Variants in PDYN observed in about 807,000 individuals in gnomAD.
PDYN encodes the protein prodynorphin.
In PDYN, 5 loss-of-function variants were observed where a neutral mutation model predicts 11.4. That is an observed-to-expected ratio of 0.44 (90% CI 0.23 to 0.92). PDYN has a LOEUF of 0.92. Among genes scored for constraint, PDYN ranks in the 40% least tolerant of loss-of-function variants. The pLI is 0.24. For missense variants in PDYN, 337 were observed against 317.3 expected, an observed-to-expected ratio of 1.06 and a Z score of -0.47; for synonymous variants, 132 against 129.5, an observed-to-expected ratio of 1.02 and a Z score of -0.13.
At chr20:1,987,168 T>TAATGC (rs1162086167) in intron 2 of PDYN, among the ~76,000 whole-genome samples, 1 of 152,128 alleles carries the variant, frequency 6.6e-6, no homozygotes, top group Non-Finnish European at 1.5e-5. Flanking sequence ...AGAGGATGGA[T>TAATGC]AATGCCGGCT....
Position 1,994,012 on chromosome 20 carries a change from A to C in PDYN, c.-181T>G, listed in dbSNP as rs985372274. 1.3e-5 allele frequency: 2 copies of C among 153,354 alleles called. No homozygotes were observed. The highest frequency in any genetic ancestry group is 2.4e-5 in the African/African-American group (1 of 41,408). 9.5% of individuals were successfully genotyped at this position (153,354 alleles called of 1,614,324 possible). A position where few individuals can be genotyped will look rare whatever the true frequency, so the allele number is the denominator to read the frequency against. On this transcript the variant is annotated 5_prime_UTR_variant, in exon 1 of 4. Transcript: ENST00000217305. Reference sequence around the variant, plus strand: ...GCCTCCTTGACTCCGGCTTGGGAGGAGGTGCCAAAGAGGCAGCTGTGAACA... The same window carrying C: ...GCCTCCTTGACTCCGGCTTGGGAGGCGGTGCCAAAGAGGCAGCTGTGAACA...
chr20:1,980,837 CTCCCCAA>C lies in PDYN; in HGVS notation c.244_250del (p.Leu82AlafsTer20). 3.1e-6 allele frequency: 5 copies of C among 1,614,238 alleles called. No individual in the cohort carries two copies. The highest frequency in any genetic ancestry group is 4.2e-6 in the Non-Finnish European group (5 of 1,180,036). On this transcript the variant is annotated frameshift_variant, in exon 4 of 4. Transcript: ENST00000217305. LOFTEE classifies it low-confidence loss of function (END_TRUNC). The stretch of plus-strand genomic sequence containing the variant: ...GTAGGGCCCTTCCCCAACCGACTTG[CTCCCCAA>C]GTCCTCCTTGTCATTGAGCCCAAGG...
At chr20:1,991,980 A>T (rs2122399725) in intron 2 of PDYN, among the ~76,000 whole-genome samples, 1 of 152,272 alleles carries the variant, frequency 6.6e-6, no homozygotes, top group East Asian at 1.9e-4. Context: ...ATGGAGTGGG[A>T]TGATCAGCGA....
intron 2 of PDYN, among the ~76,000 whole-genome samples, chr20:1,990,677 A>G (rs1988394418): frequency 6.6e-6 from 1 of 152,212 alleles, no homozygotes; most frequent in African/African-American, 2.4e-5. Flanking sequence ...CATATTTAAA[A>G]GAACGTTTTT....
Position 1,980,176 on chromosome 20 carries a change from G to A in PDYN, c.*147C>T, listed in dbSNP as rs2122301307. ...CAGAGAAATAACATACTCCCACGCA[G>A]AAGAGAGATAGGCTGGGCTTGGATA... On this transcript the variant is annotated 3_prime_UTR_variant, in exon 4 of 4. Coordinates refer to ENST00000217305, the MANE Select transcript of PDYN (RefSeq NM_024411.5). 2 of 848,996 alleles carry A rather than the reference G, an allele frequency of 2.4e-6. No homozygotes were observed. The highest frequency in any genetic ancestry group is 1.5e-5 in the South Asian group (1 of 68,922). The allele number at this position is 848,996 out of a possible 1,614,324, so 52.6% of individuals were successfully genotyped here.
rs934199547 is a variant in PDYN, at chr20:1,980,051, C to T, written c.*272G>A. On this transcript the variant is annotated 3_prime_UTR_variant, in exon 4 of 4. Transcript: ENST00000217305. The stretch of plus-strand genomic sequence containing the variant: ...GACAGATCACAAACTGCTGCTGCTG[C>T]TGCTGCTGCCGCTGCTGATAGTTTT... The T allele has an allele frequency of 1.9e-6, 1 of 513,158 alleles. No homozygotes were observed. Among genetic ancestry groups the T allele is most frequent in the South Asian group, 2.0e-5 (1 of 50,426 alleles). The allele number at this position is 513,158 out of a possible 1,614,324, so 31.8% of individuals were successfully genotyped here. A position where few individuals can be genotyped will look rare whatever the true frequency, so the allele number is the denominator to read the frequency against.
chr20:1,980,941 G>A lies in PDYN; in HGVS notation c.147C>T (p.Cys49=), dbSNP rs780440529. The change falls in exon 4 of 4, where the codon TGC becomes TGT. Residue 49 remains cysteine (C), a synonymous_variant. Transcript: ENST00000217305. ...PINPLICSLQ[C]QAALLPSEEW... ...CCTCAGAGGGCAGCAGGGCAGCCTG[G>A]CATTGCAGGGAGCAAATCTGCAAAA... 1.2e-6 allele frequency: 2 copies of A among 1,614,056 alleles called. No individual in the cohort carries two copies. The highest frequency in any genetic ancestry group is 8.5e-7 in the Non-Finnish European group (1 of 1,180,040).
Position 1,980,181 on chromosome 20 carries a change from G to A in PDYN, c.*142C>T, listed in dbSNP as rs1000727222. Reference sequence around the variant, plus strand: ...AAATAACATACTCCCACGCAGAAGAGAGATAGGCTGGGCTTGGATATTTTG... The same window carrying A: ...AAATAACATACTCCCACGCAGAAGAAAGATAGGCTGGGCTTGGATATTTTG... On this transcript the variant is annotated 3_prime_UTR_variant, in exon 4 of 4. Transcript: ENST00000217305. 3.4e-6 allele frequency: 3 copies of A among 870,306 alleles called. No individual in the cohort carries two copies. The highest frequency in any genetic ancestry group is 3.3e-5 in the African/African-American group (2 of 60,548). The allele number at this position is 870,306 out of a possible 1,614,324, so 53.9% of individuals were successfully genotyped here. A position where few individuals can be genotyped will look rare whatever the true frequency, so the allele number is the denominator to read the frequency against.
intron 2 of PDYN, among the ~76,000 whole-genome samples, chr20:1,986,194 T>C (rs562302408): frequency 6.6e-6 from 1 of 152,274 alleles, no homozygotes; most frequent in African/African-American, 2.4e-5. Context: ...ACTTTACAGA[T>C]GAGGAAACTG....
Position 1,982,077 on chromosome 20 carries a change from T to C in PDYN, c.129+879A>G, listed in dbSNP as rs1034305739. On this transcript the variant is annotated intron_variant, in intron 3 of 3. Transcript: ENST00000217305. Reference sequence around the variant, plus strand: ...TCTAACACCAGCCTGGCCAGCATGGTGAAACCCCGTCTCTACTAAAAATAC... The same window carrying C: ...TCTAACACCAGCCTGGCCAGCATGGCGAAACCCCGTCTCTACTAAAAATAC... Among the ~76,000 whole-genome samples the C allele has an allele frequency of 2.0e-4, 30 of 149,892 alleles. No homozygotes were observed. The East Asian group carries it at 3.4e-3, about 17-fold the overall frequency.
chr20:1,991,479 C>T (rs1004832317), intron 2 of PDYN, among the ~76,000 whole-genome samples: 26 of 152,110 alleles, frequency 1.7e-4, no homozygotes, highest in African/African-American at 5.1e-4. Flanking sequence ...GATGAGGCTG[C>T]GCTTCACAGC....
At chr20:1,988,883 C>G (rs1988310757) in intron 2 of PDYN, among the ~76,000 whole-genome samples, 1 of 152,182 alleles carries the variant, frequency 6.6e-6, no homozygotes, top group Non-Finnish European at 1.5e-5. Flanking sequence ...GATAGGCACA[C>G]CTTGTTGGCT....
intron 3 of PDYN, 149 bp from the exon 4 acceptor site, chr20:1,981,107 A>G: frequency 1.2e-6 from 1 of 849,826 alleles, no homozygotes; most frequent in South Asian, 1.5e-5. Context: ...CTGGTGGTGC[A>G]TAAAGGTAGG....
chr20:1,985,261 A>G (rs1317303900), intron 2 of PDYN, among the ~76,000 whole-genome samples: 3 of 152,134 alleles, frequency 2.0e-5, no homozygotes, highest in Non-Finnish European at 4.4e-5. Context: ...CTCCCCCACC[A>G]GAGCATGCCT....
At chr20:1,985,339 T>C (rs761680927) in intron 2 of PDYN, among the ~76,000 whole-genome samples, 5 of 152,170 alleles carry the variant, frequency 3.3e-5, no homozygotes, top group Non-Finnish European at 5.9e-5. Flanking sequence ...TCACCTCATT[T>C]ATTCCTTCAG....
chr20:1,989,553 A>G (rs1305653237), intron 2 of PDYN, among the ~76,000 whole-genome samples: 1 of 152,140 alleles, frequency 6.6e-6, no homozygotes, highest in Non-Finnish European at 1.5e-5. Context: ...TGGCTTCTCG[A>G]TGATATTTCT....
intron 2 of PDYN, among the ~76,000 whole-genome samples, chr20:1,989,303 A>G (rs1425297568): frequency 2.0e-5 from 3 of 152,106 alleles, no homozygotes; most frequent in Non-Finnish European, 2.9e-5. Flanking sequence ...TCTCCTGGCA[A>G]ATACTGAGAG....
In PDYN at chr20:1,982,964, T is replaced by C. The variant is rs59191035; in HGVS notation, c.121A>G (p.Asn41Asp). Residue 41 changes from asparagine to aspartate, a missense_variant, in exon 3 of 4, where the codon AAT becomes GAT. Asn to Asp is a conservative substitution (Grantham distance 23, BLOSUM62 1). Coordinates refer to ENST00000217305, the MANE Select transcript of PDYN (RefSeq NM_024411.5). ...VKTQDGPKPI[N>D]PLICSLQCQA... is the part of the protein sequence containing the mutation. The stretch of plus-strand genomic sequence containing the variant: ...CCTTGCCTGAAACCTACCAGGGGAT[T>C]GATAGGTTTGGGACCATCCTGGGTC... The C allele has an allele frequency of 4.8e-4, 768 of 1,613,786 alleles. 3 individuals carry two copies. The African/African-American group carries it at 7.8e-3, about 16-fold the overall frequency.
In PDYN at chr20:1,979,966, T is replaced by C. The variant is rs1358278740; in HGVS notation, c.*357A>G. The C allele has an allele frequency of 1.1e-5, 4 of 370,708 alleles. No homozygotes were observed. Among genetic ancestry groups the C allele is most frequent in the African/African-American group, 6.3e-5 (3 of 47,968 alleles). 23.0% of individuals were successfully genotyped at this position (370,708 alleles called of 1,614,324 possible). A position where few individuals can be genotyped will look rare whatever the true frequency, so the allele number is the denominator to read the frequency against. ...AGTTTGGACATCATAGACCTACAGG[T>C]ACAAAGAACACATCGCTCTGGTTCC... On this transcript the variant is annotated 3_prime_UTR_variant, in exon 4 of 4. Coordinates refer to ENST00000217305, the MANE Select transcript of PDYN (RefSeq NM_024411.5).
Sources: allele counts gnomAD v4.1 joint callset (sites outside exome capture counted in the v4.1 genomes callset), GRCh38; gene constraint gnomAD v4.1.1; transcripts MANE v1.5; gene names NCBI Gene and HGNC (gene_info 2026-07-23, HGNC 2026-07-21).